The following SLC37A3 variants were observed in gnomAD, a reference collection of about 807,000 sequenced individuals.
The protein encoded by SLC37A3 is sugar phosphate exchanger 3.
Under a neutral mutation model 67.1 loss-of-function variants are expected in SLC37A3, and 51 were observed. That is an observed-to-expected ratio of 0.76 (90% CI 0.61 to 0.96). The LOEUF (loss-of-function observed/expected upper bound fraction) is 0.96. Ranked by LOEUF, SLC37A3 falls within the 40% of genes least tolerant of loss-of-function variation. The pLI, the probability that SLC37A3 is intolerant of heterozygous loss-of-function variation, is 0.00. For missense variants in SLC37A3, 508 were observed against 603.0 expected, an observed-to-expected ratio of 0.84 and a Z score of 1.65; for synonymous variants, 214 against 231.4, an observed-to-expected ratio of 0.92 and a Z score of 0.68.
rs1259541459 is a variant in SLC37A3, at chr7:140,358,678, A to T, written c.483T>A (p.Cys161Ter). 2 of 1,614,064 alleles carry T rather than the reference A, an allele frequency of 1.2e-6. No individual in the cohort carries two copies. Among genetic ancestry groups the T allele is most frequent in the South Asian group, 2.2e-5 (2 of 91,082 alleles). The change falls in exon 6 of 15, where the codon TGT (cysteine) becomes TGA (stop). Residue 161 changes from cysteine to a stop codon, truncating the protein, a stop_gained. Transcript: ENST00000326232. LOFTEE classifies it high-confidence loss of function. ...ACCAGTTGCCCATAACAGCAACCAC[A>T]CAGGGCCAACCAGTGGACTGCAGCA... Reference protein sequence around the residue: ...NGLLQSTGWPCVVAVMGNWFG... With the variant: ...NGLLQSTGWP
chr7:140,380,924 T>C (rs1798228115), intron 2 of SLC37A3, among the ~76,000 whole-genome samples: 2 of 134,744 alleles, frequency 1.5e-5, no homozygotes, highest in Non-Finnish European at 3.1e-5. Context: ...TGAGACAGAG[T>C]CTCGCTCTGT....
intron 1 of SLC37A3, chr7:140,387,023 C>CA: frequency 6.6e-6 from 1 of 152,290 alleles, no homozygotes; most frequent in South Asian, 2.1e-4. Context: ...TCATGTACAA[C>CA]ACATTTTAAA....
intron 3 of SLC37A3, chr7:140,379,134 C>T (rs1253699479): frequency 6.6e-6 from 1 of 152,044 alleles, no homozygotes; most frequent in African/African-American, 2.4e-5. Flanking sequence ...CAAGACCAGC[C>T]TGGGAAACAC....
Position 140,378,102 on chromosome 7 carries a change from T to C in SLC37A3, c.198+2180A>G, listed in dbSNP as rs1798104164. Among the ~76,000 whole-genome samples, 4 of 152,290 alleles carry C rather than the reference T, an allele frequency of 2.6e-5. No individual in the cohort carries two copies. In the South Asian group the frequency reaches 8.3e-4, roughly 32 times the overall value. On this transcript the variant is annotated intron_variant, in intron 3 of 14. Transcript: ENST00000326232. ...AGTTACCTTAAAAATAAAGGCAGCC[T>C]TAGGCAGTACAACCAGAAATCTAGT...
chr7:140,366,095 G>GTT (rs1383158157), intron 4 of SLC37A3, among the ~76,000 whole-genome samples: 3 of 151,496 alleles, frequency 2.0e-5, no homozygotes, highest in South Asian at 2.1e-4. Flanking sequence ...GCCAATTTTT[G>GTT]TTTTTTTAGA....
intron 1 of SLC37A3, among the ~76,000 whole-genome samples, chr7:140,392,599 C>G (rs1471423058): frequency 3.3e-5 from 5 of 152,140 alleles, no homozygotes; most frequent in Non-Finnish European, 5.9e-5. Flanking sequence ...GACAAAAAGA[C>G]AGATTCTTTG....
Position 140,337,310 on chromosome 7 carries a change from A to G in SLC37A3, c.1366T>C (p.Trp456Arg). The change falls in exon 14 of 15, where the codon TGG becomes CGG. Residue 456 changes from tryptophan to arginine, a missense_variant. Physicochemically the swap from Trp to Arg is moderately radical, Grantham distance 101 (BLOSUM62 -3). Coordinates refer to ENST00000326232, the MANE Select transcript of SLC37A3 (RefSeq NM_207113.3). ...ATGAGAATGAAAAAGTAGAAAACCC[A>G]CATCCATCCTAGCTTGTCCCGGATC... ...SLIRDKLGWM[W>R]VFYFFILMTS... The G allele has an allele frequency of 6.2e-7, 1 of 1,602,874 alleles. No homozygotes were observed. The highest frequency in any genetic ancestry group is 8.5e-7 in the Non-Finnish European group (1 of 1,175,264).
chr7:140,383,740 G>A lies in SLC37A3; in HGVS notation c.-70-1144C>T, dbSNP rs560067908. ...CACCCAGGCTGGCATACAGTGGCAC[G>A]ATCTCGACTCACTGCAACCTCCGCT... is the stretch of plus-strand genomic sequence containing the variant. On this transcript the variant is annotated intron_variant, in intron 1 of 14. Coordinates refer to ENST00000326232, the MANE Select transcript of SLC37A3 (RefSeq NM_207113.3). 7.2e-5 allele frequency among the ~76,000 whole-genome samples: 11 copies of A among 152,008 alleles called. 1 individual carries two copies. The highest frequency in any genetic ancestry group is 2.6e-4 in the Admixed American group (4 of 15,260).
chr7:140,346,237 G>A (rs35445341), intron 10 of SLC37A3, among the ~76,000 whole-genome samples: 60,420 of 151,874 alleles, frequency 0.4, 12,727 homozygotes, highest in Middle Eastern at 0.58. Context: ...AAAATTAGCC[G>A]GGCGTGGTGG....
At chr7:140,369,004 A>C (rs1292787314) in intron 4 of SLC37A3, among the ~76,000 whole-genome samples, 5 of 152,124 alleles carry the variant, frequency 3.3e-5, no homozygotes, top group Non-Finnish European at 7.4e-5. Context: ...TGCTCTGCAC[A>C]AAACCTTCCA....
In SLC37A3 at chr7:140,346,312, G is replaced by A. The variant is rs562319469; in HGVS notation, c.1025-342C>T. Among the ~76,000 whole-genome samples, 33 of 152,120 alleles carry A rather than the reference G, an allele frequency of 2.2e-4. No individual in the cohort carries two copies. In the South Asian group the frequency reaches 5.4e-3, roughly 25 times the overall value. On this transcript the variant is annotated intron_variant, in intron 10 of 14. Coordinates refer to ENST00000326232, the MANE Select transcript of SLC37A3 (RefSeq NM_207113.3). ...GGAGAATGGTGTGAACCTGGGAGGC[G>A]GAGCTTGCAGTGAGCCGAGATTGCG... is the stretch of plus-strand genomic sequence containing the variant.
At chr7:140,385,152 A>G (rs926121754) in intron 1 of SLC37A3, among the ~76,000 whole-genome samples, 1 of 152,232 alleles carries the variant, frequency 6.6e-6, no homozygotes, top group African/African-American at 2.4e-5. Context: ...TAAAAGTAAC[A>G]ATGTATGTGA....
In SLC37A3 at chr7:140,389,226, C is replaced by A. The variant is rs182096700; in HGVS notation, c.-70-6630G>T. Among the ~76,000 whole-genome samples, 233 of 152,260 alleles carry A rather than the reference C, an allele frequency of 1.5e-3. 6 individuals are homozygous for A. The South Asian group carries it at 0.021, about 14-fold the overall frequency. ...TAGAAATTACAATTTAGGGGTCATG[C>A]AACCTCTGGGGTCTGAACCTCCCCA... On this transcript the variant is annotated intron_variant, in intron 1 of 14. Coordinates refer to ENST00000326232, the MANE Select transcript of SLC37A3 (RefSeq NM_207113.3).
intron 1 of SLC37A3, among the ~76,000 whole-genome samples, chr7:140,393,949 C>T (rs1169885140): frequency 4.0e-5 from 6 of 151,834 alleles, no homozygotes; most frequent in Admixed American, 2.0e-4. Context: ...GGCAGACAGA[C>T]GGCTTGAGCC....
chr7:140,398,110 C>A (rs1038883545), intron 1 of SLC37A3, among the ~76,000 whole-genome samples: 16 of 152,190 alleles, frequency 1.1e-4, no homozygotes, highest in African/African-American at 3.1e-4. Flanking sequence ...GACCCACGGC[C>A]GGAGGACAGG....
intron 1 of SLC37A3, among the ~76,000 whole-genome samples, chr7:140,391,353 G>C (rs1481978532): frequency 6.6e-6 from 1 of 152,194 alleles, no homozygotes; most frequent in African/African-American, 2.4e-5. Context: ...TCAGGAGCTC[G>C]AGGCTAGCCT....
intron 4 of SLC37A3, among the ~76,000 whole-genome samples, chr7:140,365,919 CTTTTTTTTTTTTTTTTTTTTTTTTT>C (rs71170981): frequency 2.3e-4 from 10 of 43,876 alleles, no homozygotes; most frequent in African/African-American, 9.8e-4. Flanking sequence ...ACAATACATG[CTTTTTTTTTTTTTTTTTTTTTTTTT>C]TTTTTTTTTT....
chr7:140,361,814 G>A (rs1408952702), intron 5 of SLC37A3, among the ~76,000 whole-genome samples: 1 of 142,826 alleles, frequency 7.0e-6, no homozygotes, highest in East Asian at 2.1e-4. Flanking sequence ...GGCCTCCCGA[G>A]GTGCCGGGAT....
intron 4 of SLC37A3, 85 bp from the exon 5 acceptor site, chr7:140,364,576 A>C: frequency 8.2e-7 from 1 of 1,216,052 alleles, no homozygotes; most frequent in African/African-American, 1.5e-5. Flanking sequence ...AATGAGACAA[A>C]CACAGATATT....
Sources: allele counts gnomAD v4.1 joint callset (sites outside exome capture counted in the v4.1 genomes callset), GRCh38; gene constraint gnomAD v4.1.1; transcripts MANE v1.5; gene names NCBI Gene and HGNC (gene_info 2026-07-23, HGNC 2026-07-21).